Variants in COL8A1 observed in about 807,000 individuals in gnomAD.
COL8A1 encodes collagen alpha-1(VIII) chain.
Under a neutral mutation model 42.7 loss-of-function variants are expected in COL8A1, and 21 were observed. The ratio of observed to expected loss-of-function variants is 0.49; its 90% CI spans 0.35 to 0.71. The LOEUF (loss-of-function observed/expected upper bound fraction) is 0.71, where lower values mean the gene tolerates loss of function less well. COL8A1 is among the 30% of genes least tolerant of loss of function. The probability of loss-of-function intolerance (pLI) is 0.01; values close to 1 mark genes in which losing one functional copy is unlikely to be tolerated. For synonymous variants in COL8A1, 367 were observed against 369.1 expected, an observed-to-expected ratio of 0.99 and a Z score of 0.06; for missense variants, 788 against 962.4, an observed-to-expected ratio of 0.82 and a Z score of 2.40.
At chr3:99,747,251 C>T (rs565870651) in intron 2 of COL8A1, among the ~76,000 whole-genome samples, 5 of 152,272 alleles carry the variant, frequency 3.3e-5, no homozygotes, top group African/African-American at 9.6e-5. Context: ...ATATTTTCCT[C>T]AAGTTAAATA....
At chr3:99,693,255 G>T (rs980187259) in intron 1 of COL8A1, among the ~76,000 whole-genome samples, 1 of 152,094 alleles carries the variant, frequency 6.6e-6, no homozygotes, top group Non-Finnish European at 1.5e-5. Flanking sequence ...ATTTGATGAT[G>T]GTAAATGACT....
intron 2 of COL8A1, among the ~76,000 whole-genome samples, chr3:99,763,822 T>C (rs1183601271): frequency 6.6e-6 from 1 of 152,016 alleles, no homozygotes; most frequent in East Asian, 1.9e-4. Flanking sequence ...CAAGTAACCA[T>C]GCATTTGACC....
chr3:99,670,876 T>C (rs1938521891), intron 1 of COL8A1, among the ~76,000 whole-genome samples: 2 of 151,940 alleles, frequency 1.3e-5, no homozygotes, highest in Non-Finnish European at 1.5e-5. Context: ...TCCCATTCAC[T>C]GCCTCTTGAG....
intron 1 of COL8A1, among the ~76,000 whole-genome samples, chr3:99,681,055 A>G (rs939248028): frequency 2.0e-5 from 3 of 152,224 alleles, no homozygotes; most frequent in African/African-American, 7.2e-5. Context: ...AACCTAGGCA[A>G]TACTATTCAG....
chr3:99,754,593 T>C (rs1383746626), intron 2 of COL8A1, among the ~76,000 whole-genome samples: 2 of 152,144 alleles, frequency 1.3e-5, no homozygotes, highest in Non-Finnish European at 2.9e-5. Flanking sequence ...TTCCTTTATT[T>C]TTCTGAATAC....
At chr3:99,652,633 C>CT (rs1937882422) in intron 1 of COL8A1, among the ~76,000 whole-genome samples, 1 of 152,148 alleles carries the variant, frequency 6.6e-6, no homozygotes, top group African/African-American at 2.4e-5. Flanking sequence ...GCGGACTGAC[C>CT]TGCAAGGTTT....
At chr3:99,759,598 T>C (rs762550458) in intron 2 of COL8A1, among the ~76,000 whole-genome samples, 2 of 152,164 alleles carry the variant, frequency 1.3e-5, no homozygotes, top group Non-Finnish European at 2.9e-5. Flanking sequence ...AAAAAACACA[T>C]GCCAAGATCA....
At chr3:99,730,278 G>A (rs1940462901) in intron 1 of COL8A1, among the ~76,000 whole-genome samples, 1 of 152,080 alleles carries the variant, frequency 6.6e-6, no homozygotes, top group Admixed American at 6.6e-5. Context: ...CTTCCTTCAG[G>A]AACCATAAGA....
chr3:99,742,842 A>G (rs1940931173), intron 1 of COL8A1, among the ~76,000 whole-genome samples: 1 of 152,238 alleles, frequency 6.6e-6, no homozygotes, highest in African/African-American at 2.4e-5. Context: ...TATGCTATGT[A>G]TCTTCCCCTT....
rs547424964 is a variant in COL8A1, at chr3:99,747,812, T to C, written c.-4+2791T>C. Reference sequence around the variant, plus strand: ...CCACTGTCTTCCTTCCTCAATTTTTTAAAATAAAAAGACTTTTAAAAATAA... The same window carrying C: ...CCACTGTCTTCCTTCCTCAATTTTTCAAAATAAAAAGACTTTTAAAAATAA... On this transcript the variant is annotated intron_variant, in intron 2 of 3. Transcript: ENST00000652472. 8.6e-4 allele frequency among the ~76,000 whole-genome samples: 131 copies of C among 152,314 alleles called. 1 individual carries two copies. The highest frequency in any genetic ancestry group is 3.0e-3 in the African/African-American group (123 of 41,588).
chr3:99,792,922 A>C (rs1200726401), intron 3 of COL8A1, among the ~76,000 whole-genome samples: 2 of 152,254 alleles, frequency 1.3e-5, no homozygotes, highest in Admixed American at 6.5e-5. Context: ...CACACAAAAA[A>C]TAACTCTATT....
chr3:99,779,288 G>C (rs72934411), intron 2 of COL8A1, among the ~76,000 whole-genome samples: 1,692 of 152,206 alleles, frequency 0.011, 34 homozygotes, highest in African/African-American at 0.038. Context: ...ATAAATGTTT[G>C]TTGTAGCAAT....
chr3:99,793,799 T>G (rs896870119), intron 3 of COL8A1, among the ~76,000 whole-genome samples: 6 of 152,224 alleles, frequency 3.9e-5, no homozygotes, highest in Non-Finnish European at 8.8e-5. Context: ...TCACCCAGGC[T>G]GGAGTGCAGT....
intron 2 of COL8A1, among the ~76,000 whole-genome samples, chr3:99,785,590 C>A (rs928352339): frequency 6.6e-6 from 1 of 151,984 alleles, no homozygotes; most frequent in African/African-American, 2.4e-5. Flanking sequence ...ATATGTTGAA[C>A]CTCAAGTACC....
chr3:99,660,906 A>G (rs771694485), intron 1 of COL8A1, among the ~76,000 whole-genome samples: 18 of 152,212 alleles, frequency 1.2e-4, no homozygotes, highest in Non-Finnish European at 2.5e-4. Context: ...GGCATGTATA[A>G]AAACATCATT....
chr3:99,778,199 C>T (rs1941729754), intron 2 of COL8A1, among the ~76,000 whole-genome samples: 1 of 152,208 alleles, frequency 6.6e-6, no homozygotes, highest in Non-Finnish European at 1.5e-5. Flanking sequence ...TAGCCTACTG[C>T]CTGACTCTGT....
chr3:99,709,369 C>G (rs766154257), intron 1 of COL8A1, among the ~76,000 whole-genome samples: 3 of 152,150 alleles, frequency 2.0e-5, no homozygotes, highest in Non-Finnish European at 4.4e-5. Context: ...CCCTGTCTAA[C>G]CCTGCATCAT....
intron 1 of COL8A1, among the ~76,000 whole-genome samples, chr3:99,740,012 A>G (rs1940853004): frequency 6.6e-6 from 1 of 152,228 alleles, no homozygotes; most frequent in African/African-American, 2.4e-5. Context: ...TCTTAAGTTC[A>G]AAGTTCCACA....
intron 2 of COL8A1, among the ~76,000 whole-genome samples, chr3:99,772,084 G>A (rs1337465256): frequency 6.6e-6 from 1 of 152,046 alleles, no homozygotes; most frequent in Admixed American, 6.6e-5. Context: ...CCCAAACTGT[G>A]GCTTTAAGAT....
Sources: allele counts gnomAD v4.1 joint callset (sites outside exome capture counted in the v4.1 genomes callset), GRCh38; gene constraint gnomAD v4.1.1; transcripts MANE v1.5; gene names NCBI Gene and HGNC (gene_info 2026-07-23, HGNC 2026-07-21).